CNTNAP5: variants seen among roughly 807,000 people sequenced by gnomAD.
CNTNAP5 encodes contactin-associated protein-like 5.
In CNTNAP5, 72 loss-of-function variants were observed where a neutral mutation model predicts 150.2. The observed-to-expected ratio is 0.48, with a 90% CI of 0.40 to 0.58. The LOEUF (loss-of-function observed/expected upper bound fraction) is 0.58. CNTNAP5 is among the 20% of genes least tolerant of loss of function. The pLI, the probability that CNTNAP5 is intolerant of heterozygous loss-of-function variation, is 0.00. For synonymous variants in CNTNAP5, 672 were observed against 619.8 expected (o/e 1.08, Z -1.25); for missense variants, 1,636 against 1,626.2 (o/e 1.01, Z -0.10).
In CNTNAP5 at chr2:124,178,600, A is replaced by G. The variant is rs1024039810; in HGVS notation, c.83-43105A>G. ...CTTTAGTCTGCTTTTGGAAACCACT[A>G]TTTAGCTTGTGTTCCATTAAGACTA... On this transcript the variant is annotated intron_variant, in intron 1 of 23. Transcript: ENST00000682447. Among the ~76,000 whole-genome samples, 8 of 152,272 alleles carry G rather than the reference A, an allele frequency of 5.3e-5. No homozygotes were observed. The South Asian group carries it at 1.0e-3, about 20-fold the overall frequency.
chr2:124,602,783 G>C (rs1321642631), intron 11 of CNTNAP5, among the ~76,000 whole-genome samples: 2 of 152,140 alleles, frequency 1.3e-5, no homozygotes, highest in South Asian at 2.1e-4. Flanking sequence ...GTGAACCACT[G>C]TGCCCAGCTG....
intron 1 of CNTNAP5, among the ~76,000 whole-genome samples, chr2:124,087,583 G>C (rs535357955): frequency 6.6e-6 from 1 of 151,912 alleles, no homozygotes; most frequent in South Asian, 2.1e-4. Flanking sequence ...TTAGCTGGGC[G>C]TGGTGGCGTG....
At chr2:124,316,804 CAAAAAA>C (rs56812690) in intron 3 of CNTNAP5, among the ~76,000 whole-genome samples, 6,514 of 54,460 alleles carry the variant, frequency 0.12, 59 homozygotes, top group South Asian at 0.16. Flanking sequence ...GACTCCATCT[CAAAAAA>C]AAAAAAAAAA....
intron 12 of CNTNAP5, among the ~76,000 whole-genome samples, chr2:124,647,000 A>G (rs1395861621): frequency 2.0e-5 from 3 of 152,186 alleles, no homozygotes; most frequent in African/African-American, 4.8e-5. Flanking sequence ...TTTTAATAAA[A>G]GGAAGTGATT....
intron 21 of CNTNAP5, among the ~76,000 whole-genome samples, chr2:124,880,715 G>T (rs1162623766): frequency 1.3e-5 from 2 of 152,096 alleles, no homozygotes; most frequent in African/African-American, 2.4e-5. Flanking sequence ...AAAGCCTATG[G>T]ATCTTTGTTC....
intron 1 of CNTNAP5, among the ~76,000 whole-genome samples, chr2:124,060,430 A>AT (rs1159441848): frequency 2.0e-5 from 3 of 152,226 alleles, no homozygotes; most frequent in Non-Finnish European, 4.4e-5. Flanking sequence ...CTCCTCTGTA[A>AT]TTCACAGGAA....
At chr2:124,034,464 A>T (rs751065861) in intron 1 of CNTNAP5, among the ~76,000 whole-genome samples, 1 of 152,184 alleles carries the variant, frequency 6.6e-6, no homozygotes, top group African/African-American at 2.4e-5. Context: ...CTCCCATGTA[A>T]ACAGACAATG....
intron 14 of CNTNAP5, among the ~76,000 whole-genome samples, chr2:124,751,419 C>T (rs2105150206): frequency 6.6e-6 from 1 of 152,288 alleles, no homozygotes; most frequent in South Asian, 2.1e-4. Flanking sequence ...CTAGCTTTGT[C>T]TGTACAAGGA....
Position 124,655,945 on chromosome 2 carries a change from G to GAGAGAAAGAATGAAAGAAAGAA in CNTNAP5, c.2077+7990_2077+7991insGAAAGAATGAAAGAAAGAAAGA, listed in dbSNP as rs1553427800. Among the ~76,000 whole-genome samples the GAGAGAAAGAATGAAAGAAAGAA allele has an allele frequency of 1.3e-3, 70 of 55,494 alleles. 4 individuals carry two copies. Among genetic ancestry groups the GAGAGAAAGAATGAAAGAAAGAA allele is most frequent in the Non-Finnish European group, 6.8e-5 (2 of 29,250 alleles). 36.4% of individuals were successfully genotyped at this position (55,494 alleles called of 152,430 possible). A position where few individuals can be genotyped will look rare whatever the true frequency, so the allele number is the denominator to read the frequency against. The stretch of plus-strand genomic sequence containing the variant: ...AGAAAGAGAGAGAGAGAGAGAGAGA[G>GAGAGAAAGAATGAAAGAAAGAA]AGAAAGAAAGAAAGAAAGAAAGAAA... On this transcript the variant is annotated intron_variant, in intron 13 of 23. Transcript: ENST00000682447.
intron 13 of CNTNAP5, among the ~76,000 whole-genome samples, chr2:124,692,979 C>T (rs1679330198): frequency 1.3e-5 from 2 of 152,048 alleles, no homozygotes; most frequent in Admixed American, 6.6e-5. Context: ...TCAAAGAATT[C>T]TTTGTGTTTT....
At chr2:124,753,753 A>G (rs190056308) in intron 14 of CNTNAP5, among the ~76,000 whole-genome samples, 146 of 152,306 alleles carry the variant, frequency 9.6e-4, no homozygotes, top group Non-Finnish European at 1.8e-3. Context: ...GAGGGGATAG[A>G]TATGTCAGGT....
intron 19 of CNTNAP5, among the ~76,000 whole-genome samples, chr2:124,799,608 CAGA>C (rs1042699441): frequency 6.6e-6 from 1 of 152,230 alleles, no homozygotes; most frequent in African/African-American, 2.4e-5. Context: ...GCCCCATACA[CAGA>C]GTCCTCTCCA....
intron 6 of CNTNAP5, among the ~76,000 whole-genome samples, chr2:124,451,077 T>TATATATATATACACACAC (rs755084840): frequency 1.6e-5 from 1 of 61,534 alleles, no homozygotes; most frequent in Non-Finnish European, 2.7e-5. Context: ...TATATATATA[T>TATATATATATACACACAC]ACACACACAC....
At chr2:124,652,056 AACC>A (rs1289782039) in intron 13 of CNTNAP5, among the ~76,000 whole-genome samples, 1 of 152,152 alleles carries the variant, frequency 6.6e-6, no homozygotes, top group African/African-American at 2.4e-5. Flanking sequence ...TTGGTGACTG[AACC>A]ATGACACTGT....
At chr2:124,552,772 A>G (rs1695655996) in intron 10 of CNTNAP5, among the ~76,000 whole-genome samples, 1 of 152,214 alleles carries the variant, frequency 6.6e-6, no homozygotes, top group Non-Finnish European at 1.5e-5. Context: ...GCAGAAATAT[A>G]CAAAAAGTGA....
At chr2:124,474,570 T>TA (rs1314789597) in intron 6 of CNTNAP5, among the ~76,000 whole-genome samples, 169 bp from the exon 7 acceptor site, 3 of 152,146 alleles carry the variant, frequency 2.0e-5, no homozygotes, top group African/African-American at 7.2e-5. Context: ...TATTTTTACA[T>TA]AGGCTAATCA....
chr2:124,223,306 G>A (rs947217924), intron 2 of CNTNAP5, among the ~76,000 whole-genome samples: 2 of 152,272 alleles, frequency 1.3e-5, no homozygotes, highest in Middle Eastern at 3.4e-3. Context: ...ATCAACCACA[G>A]TTCAAATGCG....
intron 1 of CNTNAP5, among the ~76,000 whole-genome samples, chr2:124,092,447 A>T (rs1441200327): frequency 6.6e-6 from 1 of 152,166 alleles, no homozygotes; most frequent in African/African-American, 2.4e-5. Context: ...GGCTGTACAC[A>T]TATAGTCCAT....
intron 13 of CNTNAP5, among the ~76,000 whole-genome samples, chr2:124,674,546 T>TCTTTCTTTCTTTCTTTCTTC (rs755126208): frequency 1.8e-3 from 239 of 130,246 alleles, no homozygotes; most frequent in Non-Finnish European, 2.7e-3. Flanking sequence ...TTTCTTTCTT[T>TCTTTCTTTCTTTCTTTCTTC]CTTTCTTCCT....
Sources: gnomAD v4.1 joint callset for allele counts (sites outside exome capture counted in the v4.1 genomes callset) on GRCh38, gnomAD v4.1.1 for gene constraint, MANE v1.5 for transcripts, NCBI Gene and HGNC (gene_info 2026-07-23, HGNC 2026-07-21) for gene names.